Variants in GABPA observed in about 807,000 individuals in gnomAD.
GABPA encodes the protein GA binding protein transcription factor subunit alpha.
GABPA carries 4 observed loss-of-function variants against 59.4 expected under a neutral mutation model. That is an observed-to-expected ratio of 0.07 (90% CI 0.03 to 0.15). The LOEUF is 0.15. Among genes scored for constraint, GABPA ranks in the 10% least tolerant of loss-of-function variants. The pLI is 1.00. For synonymous variants in GABPA, 164 were observed against 183.1 expected, an observed-to-expected ratio of 0.90 and a Z score of 0.84; for missense variants, 251 against 543.8, an observed-to-expected ratio of 0.46 and a Z score of 5.36.
In GABPA at chr21:25,740,942, T is replaced by C. The variant is rs7277295; in HGVS notation, c.-26-631T>C. ...TCATCTCCATGTTAAGCTTCAGGTT[T>C]GAATCTGTTATTGAGACTGAGTTGC... On this transcript the variant is annotated intron_variant, in intron 1 of 9. Coordinates refer to ENST00000400075, the MANE Select transcript of GABPA (RefSeq NM_002040.4). Among the ~76,000 whole-genome samples, 1,070 of 152,324 alleles carry C rather than the reference T, an allele frequency of 7.0e-3. 10 individuals carry two copies. Among genetic ancestry groups the C allele is most frequent in the African/African-American group, 0.024 (1,017 of 41,576 alleles).
intron 4 of GABPA, among the ~76,000 whole-genome samples, chr21:25,750,872 A>G (rs895965129): frequency 2.0e-5 from 3 of 152,222 alleles, no homozygotes; most frequent in Admixed American, 2.0e-4. Context: ...ATAGATTTTA[A>G]CAAAAAATAT....
chr21:25,747,780 C>G (rs2123513212), intron 3 of GABPA, among the ~76,000 whole-genome samples: 1 of 152,244 alleles, frequency 6.6e-6, no homozygotes, highest in South Asian at 2.1e-4. Context: ...GCCATAGCTT[C>G]TAATGGATAA....
At position 25,772,160 on chromosome 21, in the gene GABPA, CTT is replaced by C. The variant is rs548570200; in HGVS notation, c.*2929_*2930del. On this transcript the variant is annotated 3_prime_UTR_variant, in exon 10 of 10. Coordinates refer to ENST00000400075, the MANE Select transcript of GABPA (RefSeq NM_002040.4). ...AATTGCAAAACAAATCTGTGACTAA[CTT>C]AATGTCTTCAGATCTAAAGGGTGTA... 4.9e-4 allele frequency: 75 copies of C among 152,164 alleles called. No individual in the cohort carries two copies. Among genetic ancestry groups the C allele is most frequent in the Middle Eastern group, 3.4e-3 (1 of 294 alleles). 9.4% of individuals were successfully genotyped at this position (152,164 alleles called of 1,614,324 possible).
At chr21:25,751,204 CTG>C (rs548472368) in intron 4 of GABPA, among the ~76,000 whole-genome samples, 65 of 151,654 alleles carry the variant, frequency 4.3e-4, no homozygotes, top group African/African-American at 1.3e-3. Flanking sequence ...AATGAAATAA[CTG>C]TTTTTATGGC....
At chr21:25,766,182 T>C (rs981915785) in intron 9 of GABPA, among the ~76,000 whole-genome samples, 1 of 152,004 alleles carries the variant, frequency 6.6e-6, no homozygotes, top group African/African-American at 2.4e-5. Flanking sequence ...GGAAACGACC[T>C]GCTTTTCAAT....
At chr21:25,757,968 T>C in intron 5 of GABPA, 42 bp from the exon 6 acceptor site, 1 of 1,255,524 alleles carries the variant, frequency 8.0e-7, no homozygotes, top group Non-Finnish European at 1.1e-6. Context: ...TTACACAGTA[T>C]CTAAAATGGA....
Position 25,735,259 on chromosome 21 carries a change from A to T in GABPA, c.-346A>T. 2.0e-6 allele frequency: 1 copy of T among 510,194 alleles called. No individual in the cohort carries two copies. Among genetic ancestry groups the T allele is most frequent in the East Asian group, 3.3e-5 (1 of 30,034 alleles). 31.6% of individuals were successfully genotyped at this position (510,194 alleles called of 1,614,324 possible). A position where few individuals can be genotyped will look rare whatever the true frequency, so the allele number is the denominator to read the frequency against. ...GGGTTATCGAAGTGTATAAAGGTGCAGGGAAAGTGAGACTGTGTAAAACAA... is the reference window on the plus strand; with the variant it reads ...GGGTTATCGAAGTGTATAAAGGTGCTGGGAAAGTGAGACTGTGTAAAACAA... On this transcript the variant is annotated 5_prime_UTR_variant, in exon 1 of 10. Coordinates refer to ENST00000400075, the MANE Select transcript of GABPA (RefSeq NM_002040.4).
intron 3 of GABPA, among the ~76,000 whole-genome samples, chr21:25,746,021 C>CT (rs1220209993): frequency 1.4e-5 from 2 of 143,596 alleles, no homozygotes; most frequent in Non-Finnish European, 3.1e-5. Context: ...TTTTTTTTTT[C>CT]TTTTTTTTGA....
chr21:25,764,102 G>T, intron 7 of GABPA, 108 bp from the exon 8 acceptor site: 1 of 881,120 alleles, frequency 1.1e-6, no homozygotes. Flanking sequence ...GTACTTTCTT[G>T]GGGGTAATTC....
At position 25,740,468 on chromosome 21, in the gene GABPA, A is replaced by AT. The variant is rs531592497; in HGVS notation, c.-26-1103dup. 1.5e-3 allele frequency among the ~76,000 whole-genome samples: 225 copies of AT among 152,360 alleles called. 1 individual carries two copies. Among genetic ancestry groups the AT allele is most frequent in the African/African-American group, 5.0e-3 (209 of 41,590 alleles). On this transcript the variant is annotated intron_variant, in intron 1 of 9. Transcript: ENST00000400075. Reference sequence around the variant, plus strand: ...GAAAGTGCGTATGGAATTCAAAGACATTCATTGACCTACTGCGAGGTAGTT... The same window carrying AT: ...GAAAGTGCGTATGGAATTCAAAGACATTTCATTGACCTACTGCGAGGTAGTT...
chr21:25,768,514 A>G (rs1242974744), intron 9 of GABPA, among the ~76,000 whole-genome samples: 3 of 152,066 alleles, frequency 2.0e-5, no homozygotes, highest in Non-Finnish European at 4.4e-5. Context: ...ATTGTATACT[A>G]AGCACTTTAC....
intron 5 of GABPA, among the ~76,000 whole-genome samples, chr21:25,756,454 G>C (rs1461979266): frequency 2.0e-5 from 3 of 152,180 alleles, no homozygotes; most frequent in Non-Finnish European, 2.9e-5. Flanking sequence ...TCTCCTGAAA[G>C]TGGTTCTTGG....
chr21:25,768,928 T>C (rs923207572), intron 9 of GABPA, 76 bp from the exon 10 acceptor site: 1 of 945,634 alleles, frequency 1.1e-6, no homozygotes, highest in Non-Finnish European at 1.7e-6. Flanking sequence ...GGCTTCTGCT[T>C]ATGGAATAGT....
intron 3 of GABPA, among the ~76,000 whole-genome samples, chr21:25,747,911 T>G (rs528494114): frequency 1.4e-4 from 22 of 152,264 alleles, no homozygotes; most frequent in East Asian, 3.9e-4. Flanking sequence ...ACAAGGTTTT[T>G]TTTTGTTTTG....
At position 25,770,063 on chromosome 21, in the gene GABPA, T is replaced by C. The variant is rs957566994; in HGVS notation, c.*831T>C. 6.6e-6 allele frequency: 1 copy of C among 152,596 alleles called. No homozygotes were observed. Among genetic ancestry groups the C allele is most frequent in the Non-Finnish European group, 1.5e-5 (1 of 67,994 alleles). 9.5% of individuals were successfully genotyped at this position (152,596 alleles called of 1,614,324 possible). A position where few individuals can be genotyped will look rare whatever the true frequency, so the allele number is the denominator to read the frequency against. ...TCAACCCAAAAATAAAGGTTTGTTT[T>C]GGTTTGTTATGGCTTCCTTTTTTAA... On this transcript the variant is annotated 3_prime_UTR_variant, in exon 10 of 10. Transcript: ENST00000400075.
At chr21:25,738,439 TG>T (rs2035136744) in intron 1 of GABPA, among the ~76,000 whole-genome samples, 1 of 152,226 alleles carries the variant, frequency 6.6e-6, no homozygotes, top group African/African-American at 2.4e-5. Context: ...TCGTCACTTT[TG>T]GGTATTGGAA....
intron 3 of GABPA, among the ~76,000 whole-genome samples, chr21:25,747,051 A>G (rs568854669): frequency 1.4e-4 from 22 of 152,358 alleles, no homozygotes; most frequent in African/African-American, 4.3e-4. Flanking sequence ...AAATCAGCAT[A>G]TTTTTAGTCA....
chr21:25,755,598 G>A (rs1467992834), intron 5 of GABPA, among the ~76,000 whole-genome samples: 6 of 152,130 alleles, frequency 3.9e-5, no homozygotes, highest in Admixed American at 3.9e-4. Context: ...GTAGAGCAGG[G>A]AGGAGGTAGA....
At chr21:25,751,463 C>T (rs1407259644) in intron 4 of GABPA, among the ~76,000 whole-genome samples, 1 of 151,412 alleles carries the variant, frequency 6.6e-6, no homozygotes, top group Non-Finnish European at 1.5e-5. Context: ...TTCTTCATCT[C>T]ATTTAAAATG....
Sources: allele counts gnomAD v4.1 joint callset (sites outside exome capture counted in the v4.1 genomes callset), GRCh38; gene constraint gnomAD v4.1.1; transcripts MANE v1.5; gene names NCBI Gene and HGNC (gene_info 2026-07-23, HGNC 2026-07-21).